The following LINC00305 variants were observed in gnomAD, a reference collection of about 807,000 sequenced individuals.
The protein encoded by LINC00305 is long intergenic non-protein coding RNA 305.
At chr18:64,125,785 TG>T (rs1282201054) in intron 1 of LINC00305, among the ~76,000 whole-genome samples, 4 of 152,100 alleles carry the variant, frequency 2.6e-5, no homozygotes, top group African/African-American at 9.7e-5. Flanking sequence ...TGTTGGGAGC[TG>T]GGGCCTAATG....
chr18:64,124,209 A>G (rs2051374759), intron 1 of LINC00305, among the ~76,000 whole-genome samples: 1 of 152,138 alleles, frequency 6.6e-6, no homozygotes. Flanking sequence ...AATGACAGTC[A>G]CAGTATTTAA....
intron 1 of LINC00305, among the ~76,000 whole-genome samples, chr18:64,100,836 GA>G (rs2051265323): frequency 6.6e-6 from 1 of 152,178 alleles, no homozygotes; most frequent in Non-Finnish European, 1.5e-5. Flanking sequence ...GGAGAGCCAT[GA>G]ATGAATGTCC....
intron 1 of LINC00305, among the ~76,000 whole-genome samples, chr18:64,134,090 G>T (rs905269022): frequency 1.3e-5 from 2 of 152,070 alleles, no homozygotes; most frequent in South Asian, 4.1e-4. Context: ...TTTGTACCAC[G>T]CTAGACTCTT....
intron 1 of LINC00305, among the ~76,000 whole-genome samples, chr18:64,116,629 G>A (rs2051339074): frequency 6.6e-6 from 1 of 151,914 alleles, no homozygotes; most frequent in African/African-American, 2.4e-5. Flanking sequence ...TATATTTATA[G>A]TGTACTATGT....
rs376017500 is a variant in LINC00305, at chr18:64,098,629, A to G, written n.326T>C. ...TGATCATATCCAGGGGTGGAACCAG[A>G]TAATTTCCATCCTGCAAGTGAAAAA... On this transcript the variant is annotated non_coding_transcript_exon_variant, in exon 2 of 4. Transcript: ENST00000666468. The G allele has an allele frequency of 5.3e-5, 23 of 430,514 alleles. 1 individual carries two copies. Among genetic ancestry groups the G allele is most frequent in the East Asian group, 2.2e-4 (3 of 13,878 alleles). 26.7% of individuals were successfully genotyped at this position (430,514 alleles called of 1,614,324 possible). A position where few individuals can be genotyped will look rare whatever the true frequency, so the allele number is the denominator to read the frequency against.
In LINC00305 at chr18:64,081,587, G is replaced by A. The variant is rs1020572999; in HGVS notation, n.541-1185C>T. On this transcript the variant is annotated intron_variant and non_coding_transcript_variant, in intron 3 of 3. Transcript: ENST00000666468. ...AAATATTTATTGTTAAACTTAAATG[G>A]CTTTTGTTTAACATACTTGTTTGAT... Among the ~76,000 whole-genome samples, 7 of 152,058 alleles carry A rather than the reference G, an allele frequency of 4.6e-5. No homozygotes were observed. The South Asian group carries it at 1.5e-3, about 32-fold the overall frequency.
chr18:64,095,223 C>T (rs2051240716), intron 3 of LINC00305, among the ~76,000 whole-genome samples: 1 of 152,156 alleles, frequency 6.6e-6, no homozygotes, highest in African/African-American at 2.4e-5. Flanking sequence ...AATCCTCCTA[C>T]TCTATTTACA....
In LINC00305 at chr18:64,115,469, T is replaced by G. The variant is rs146090261; in HGVS notation, n.315-16829A>C. Among the ~76,000 whole-genome samples the G allele has an allele frequency of 4.7e-3, 715 of 151,782 alleles. 6 individuals are homozygous for G. The highest frequency in any genetic ancestry group is 0.017 in the African/African-American group (691 of 41,324). On this transcript the variant is annotated intron_variant and non_coding_transcript_variant, in intron 1 of 3. Coordinates refer to ENST00000666468, the Ensembl canonical transcript of LINC00305. ...GGAATGATTTGCAGGTGCATTTGTG[T>G]GTGGGGAGGCTGCTTATGGGGGTAA...
intron 3 of LINC00305, among the ~76,000 whole-genome samples, chr18:64,087,785 A>G (rs1040875341): frequency 1.9e-4 from 29 of 152,140 alleles, no homozygotes; most frequent in Non-Finnish European, 3.7e-4. Flanking sequence ...GCTAACCATT[A>G]CTCAATAGAA....
intron 1 of LINC00305, among the ~76,000 whole-genome samples, chr18:64,126,272 G>A (rs1031268140): frequency 1.3e-5 from 2 of 151,778 alleles, no homozygotes; most frequent in African/African-American, 4.8e-5. Context: ...ATCATTTCTA[G>A]ATGATAGCAT....
At chr18:64,080,418 T>G (rs2051180291) in intron 3 of LINC00305, 1 of 442,928 alleles carries the variant, frequency 2.3e-6, no homozygotes, top group Non-Finnish European at 4.5e-6. Context: ...CAAACAAAAG[T>G]AATCCACATT....
At chr18:64,103,099 A>G (rs568713593) in intron 1 of LINC00305, among the ~76,000 whole-genome samples, 1 of 152,198 alleles carries the variant, frequency 6.6e-6, no homozygotes, top group African/African-American at 2.4e-5. Flanking sequence ...TCTTATTGAC[A>G]TACCTTCTTG....
At chr18:64,126,326 A>T (rs953084277) in intron 1 of LINC00305, among the ~76,000 whole-genome samples, 2 of 151,972 alleles carry the variant, frequency 1.3e-5, no homozygotes, top group African/African-American at 2.4e-5. Context: ...TATTTTAAAA[A>T]TTTTCTGCAA....
intron 1 of LINC00305, among the ~76,000 whole-genome samples, chr18:64,119,788 C>T (rs544554547): frequency 2.0e-5 from 3 of 151,934 alleles, no homozygotes; most frequent in Admixed American, 6.6e-5. Context: ...ACCGAAAATC[C>T]GGATTGTTCT....
chr18:64,092,012 TATGAGAATAAAA>T, intron 3 of LINC00305, among the ~76,000 whole-genome samples: 1 of 152,342 alleles, frequency 6.6e-6, no homozygotes, highest in East Asian at 1.9e-4. Context: ...TGCACTGAGG[TATGAGAATAAAA>T]ATGGATTAGT....
intron 1 of LINC00305, among the ~76,000 whole-genome samples, chr18:64,137,687 T>C (rs2051441450): frequency 6.6e-6 from 1 of 152,214 alleles, no homozygotes; most frequent in South Asian, 2.1e-4. Context: ...TATGTCACAC[T>C]GAGAGAATTC....
chr18:64,140,182 C>T (rs955701625), intron 1 of LINC00305, among the ~76,000 whole-genome samples: 1 of 151,978 alleles, frequency 6.6e-6, no homozygotes, highest in Non-Finnish European at 1.5e-5. Context: ...TGCGTTCCTC[C>T]TCCTCTTTAC....
chr18:64,084,116 T>C (rs2051194599), intron 3 of LINC00305, among the ~76,000 whole-genome samples: 1 of 152,210 alleles, frequency 6.6e-6, no homozygotes, highest in Non-Finnish European at 1.5e-5. Context: ...AGTTCCCTTT[T>C]TTCTTAATCT....
intron 3 of LINC00305, among the ~76,000 whole-genome samples, chr18:64,082,482 G>A (rs1414320970): frequency 6.6e-6 from 1 of 152,174 alleles, no homozygotes; most frequent in Non-Finnish European, 1.5e-5. Flanking sequence ...TGCGTGAAAT[G>A]CATTCTTTCT....
Sources: allele counts gnomAD v4.1 joint callset (sites outside exome capture counted in the v4.1 genomes callset), GRCh38; gene constraint gnomAD v4.1.1; transcripts MANE v1.5; gene names NCBI Gene and HGNC (gene_info 2026-07-23, HGNC 2026-07-21).